Variants in ASAP2 observed in about 807,000 individuals in gnomAD.
ASAP2 encodes the protein arf-GAP with SH3 domain, ANK repeat and PH domain-containing protein 2.
Under a neutral mutation model 131.4 loss-of-function variants are expected in ASAP2, and 45 were observed. That is an observed-to-expected ratio of 0.34 (90% confidence interval 0.27 to 0.44). ASAP2 has a LOEUF of 0.44. Among genes scored for constraint, ASAP2 ranks in the 20% least tolerant of loss-of-function variants. ASAP2 has a pLI of 1.00. For synonymous variants in ASAP2, 510 were observed against 503.0 expected, an observed-to-expected ratio of 1.01 and a Z score of -0.19; for missense variants, 1,011 against 1,297.0, an observed-to-expected ratio of 0.78 and a Z score of 3.39.
chr2:9,383,666 C>T (rs1480186468), intron 20 of ASAP2, among the ~76,000 whole-genome samples: 1 of 152,182 alleles, frequency 6.6e-6, no homozygotes, highest in Non-Finnish European at 1.5e-5. Flanking sequence ...TCCAAAGGCA[C>T]TTTCAAGTTC....
In ASAP2 at chr2:9,302,169, C is replaced by CTTTTTT. The variant is rs57906310; in HGVS notation, c.345+4740_345+4745dup. The stretch of plus-strand genomic sequence containing the variant: ...AACACAGATGATGTGAGTTAGAAGC[C>CTTTTTT]TTTTTTTTTTTTTTTTTTTTTGAGA... On this transcript the variant is annotated intron_variant, in intron 3 of 27. Transcript: ENST00000281419. 1.6e-3 allele frequency among the ~76,000 whole-genome samples: 132 copies of CTTTTTT among 82,914 alleles called. 7 individuals are homozygous for CTTTTTT. Among genetic ancestry groups the CTTTTTT allele is most frequent in the African/African-American group, 4.7e-3 (89 of 18,800 alleles). The allele number at this position is 82,914 out of a possible 152,430, so 54.4% of individuals were successfully genotyped here. A position where few individuals can be genotyped will look rare whatever the true frequency, so the allele number is the denominator to read the frequency against.
intron 9 of ASAP2, chr2:9,336,076 A>C (rs1260274530): frequency 2.6e-5 from 4 of 152,182 alleles, no homozygotes; most frequent in Admixed American, 6.5e-5. Flanking sequence ...TAAATTGCAG[A>C]ATTTTGCATG....
chr2:9,226,501 C>G lies in ASAP2; in HGVS notation c.126+19271C>G, dbSNP rs528845414. ...ATGTTCCATAATGACTTCAAGGGCA[C>G]CTTCCAGCTTGGGGATTCTGTAATT... On this transcript the variant is annotated intron_variant, in intron 1 of 27. Coordinates refer to ENST00000281419, the MANE Select transcript of ASAP2 (RefSeq NM_003887.3). 2.6e-5 allele frequency among the ~76,000 whole-genome samples: 4 copies of G among 152,318 alleles called. No individual in the cohort carries two copies. The East Asian group carries it at 7.7e-4, about 29-fold the overall frequency.
At chr2:9,391,580 T>C (rs534861525) in intron 23 of ASAP2, among the ~76,000 whole-genome samples, 30 of 148,032 alleles carry the variant, frequency 2.0e-4, no homozygotes, top group African/African-American at 7.3e-4. Context: ...CTTTTTCTTT[T>C]TTTTTTTTTT....
At chr2:9,266,686 T>C (rs932666222) in intron 1 of ASAP2, among the ~76,000 whole-genome samples, 3 of 152,114 alleles carry the variant, frequency 2.0e-5, no homozygotes, top group African/African-American at 4.8e-5. Context: ...AGGAGAAAAA[T>C]GAAAGAAGTG....
rs187366997 is a variant in ASAP2 at position 9,403,594 on chromosome 2, C to T, written c.*267C>T. ...CTGAAAAGTTATTTTAACTATTATA[C>T]ATAATCAAGATCCTGCCTCTACGGA... On this transcript the variant is annotated 3_prime_UTR_variant, in exon 28 of 28. Coordinates refer to ENST00000281419, the MANE Select transcript of ASAP2 (RefSeq NM_003887.3). 32 of 423,342 alleles carry T rather than the reference C, an allele frequency of 7.6e-5. No individual in the cohort carries two copies. The East Asian group carries it at 1.2e-3, about 16-fold the overall frequency. The allele number at this position is 423,342 out of a possible 1,614,324, so 26.2% of individuals were successfully genotyped here. A position where few individuals can be genotyped will look rare whatever the true frequency, so the allele number is the denominator to read the frequency against.
rs369933015 is a variant in ASAP2 at position 9,356,301 on chromosome 2, A to G, written c.1283A>G (p.Gln428Arg). 4.3e-6 allele frequency: 7 copies of G among 1,613,024 alleles called. No individual in the cohort carries two copies. The highest frequency in any genetic ancestry group is 5.9e-6 in the Non-Finnish European group (7 of 1,179,426). Residue 428 changes from glutamine (Q) to arginine (R), a missense_variant, in exon 14 of 28, where the codon CAG becomes CGG. Physicochemically the swap from Gln to Arg is conservative, Grantham distance 43. This residue lies in a region of ASAP2 where 359 missense variants were observed against 598.1 expected (regional missense o/e 0.60). Transcript: ENST00000281419. The stretch of plus-strand genomic sequence containing the variant: ...ACAAAGGAGATCATCTCAGAAGTGC[A>G]GAGGATGACGGGCAATGACGTCTGC... ...ELTKEIISEV[Q>R]RMTGNDVCCD...
intron 3 of ASAP2, among the ~76,000 whole-genome samples, chr2:9,314,434 G>T (rs1669512393): frequency 6.6e-6 from 1 of 152,206 alleles, no homozygotes; most frequent in Admixed American, 6.5e-5. Context: ...TGTAGATTCT[G>T]TCTTTCACAT....
At chr2:9,401,233 G>A in intron 26 of ASAP2, 41 bp from the exon 27 acceptor site, 1 of 1,610,072 alleles carries the variant, frequency 6.2e-7, no homozygotes, top group Non-Finnish European at 8.5e-7. Context: ...GAGAGCTGAG[G>A]CCTGCAGCCA....
At chr2:9,231,070 C>G (rs1663127877) in intron 1 of ASAP2, among the ~76,000 whole-genome samples, 1 of 152,218 alleles carries the variant, frequency 6.6e-6, no homozygotes, top group Admixed American at 6.5e-5. Flanking sequence ...TCACTTTCCC[C>G]AGGCCACTTC....
rs187077822 is a variant in ASAP2 at position 9,321,835 on chromosome 2, A to G, written c.471-1286A>G. Among the ~76,000 whole-genome samples, 1,138 of 152,324 alleles carry G rather than the reference A, an allele frequency of 7.5e-3. 12 individuals carry two copies. The highest frequency in any genetic ancestry group is 9.1e-3 in the Non-Finnish European group (616 of 68,018). On this transcript the variant is annotated intron_variant, in intron 5 of 27. Transcript: ENST00000281419. ...AATTCCTCACAAAACCCTAGAATTT[A>G]GGAGGAGGGAGCAGCACCCTTTAAA...
intron 16 of ASAP2, 28 bp downstream of exon 16, chr2:9,368,547 T>C (rs1338771288): frequency 6.2e-7 from 1 of 1,602,044 alleles, no homozygotes; most frequent in Non-Finnish European, 8.6e-7. Flanking sequence ...TATTCTCATT[T>C]GCTGAGTAAA....
intron 1 of ASAP2, among the ~76,000 whole-genome samples, chr2:9,258,853 A>G (rs1434470294): frequency 1.3e-5 from 2 of 152,232 alleles, no homozygotes; most frequent in Non-Finnish European, 2.9e-5. Context: ...TAAACATAGC[A>G]GCATTACATG....
At position 9,389,185 on chromosome 2, in the gene ASAP2, T is replaced by A. The variant is rs1471992061; in HGVS notation, c.2383+639T>A. Among the ~76,000 whole-genome samples, 2 of 152,230 alleles carry A rather than the reference T, an allele frequency of 1.3e-5. No homozygotes were observed. The highest frequency in any genetic ancestry group is 4.8e-5 in the African/African-American group (2 of 41,466). On this transcript the variant is annotated intron_variant, in intron 22 of 27. Coordinates refer to ENST00000281419, the MANE Select transcript of ASAP2 (RefSeq NM_003887.3). The surrounding 1 kb of genome is among the most constrained non-coding windows in gnomAD (Gnocchi z 4.7). Reference sequence around the variant, plus strand: ...TCTCAGAAGTTAAGTAATTTGTTCATTCCTGAAGAGCAGCTGGCTACGGTG... The same window carrying A: ...TCTCAGAAGTTAAGTAATTTGTTCAATCCTGAAGAGCAGCTGGCTACGGTG...
At chr2:9,374,445 G>A (rs561793117) in intron 16 of ASAP2, among the ~76,000 whole-genome samples, 2 of 152,346 alleles carry the variant, frequency 1.3e-5, no homozygotes, top group African/African-American at 4.8e-5. Context: ...TAAGAAGGGT[G>A]TGGAGGTGAC....
intron 3 of ASAP2, among the ~76,000 whole-genome samples, chr2:9,301,820 CTTTTTTTTTT>C (rs1177064910): frequency 1.7e-5 from 2 of 115,410 alleles, no homozygotes; most frequent in Non-Finnish European, 3.4e-5. Context: ...TATCCATCAT[CTTTTTTTTTT>C]TTTTTTTTTT....
Position 9,320,196 on chromosome 2 carries a change from G to A in ASAP2, c.421-92G>A, listed in dbSNP as rs116354966. On this transcript the variant is annotated intron_variant, in intron 4 of 27. Transcript: ENST00000281419. ...TACGTCATTTATTGCAGAAATTAAT[G>A]CTCCTTTCAGGGCTAGTACAGGGAT... 716 of 1,040,512 alleles carry A rather than the reference G, an allele frequency of 6.9e-4. 4 individuals are homozygous for A. In the African/African-American group the frequency reaches 0.01, roughly 15 times the overall value. 64.5% of individuals were successfully genotyped at this position (1,040,512 alleles called of 1,614,324 possible).
At position 9,294,196 on chromosome 2, in the gene ASAP2, A is replaced by G. The variant is rs368236859; in HGVS notation, c.200-3104A>G. Among the ~76,000 whole-genome samples the G allele has an allele frequency of 2.6e-4, 39 of 152,088 alleles. No individual in the cohort carries two copies. In the East Asian group the frequency reaches 7.2e-3, roughly 28 times the overall value. On this transcript the variant is annotated intron_variant, in intron 2 of 27. Transcript: ENST00000281419. ...GTATTTTTAGTAGAGACAGCGTTTC[A>G]TCATGTTGGCCAGGCTGGTCTCAAA...
At chr2:9,285,999 A>G (rs907155388) in intron 2 of ASAP2, among the ~76,000 whole-genome samples, 3 of 152,232 alleles carry the variant, frequency 2.0e-5, no homozygotes, top group Non-Finnish European at 2.9e-5. Context: ...ATACACTTCA[A>G]ATTCATACAG....
Sources: allele counts gnomAD v4.1 joint callset (sites outside exome capture counted in the v4.1 genomes callset), GRCh38; gene constraint gnomAD v4.1.1; regional missense constraint gnomAD v4.1.1; non-coding constraint Gnocchi (gnomAD v3.1); transcripts MANE v1.5; gene names NCBI Gene and HGNC (gene_info 2026-07-23, HGNC 2026-07-21).